The following LEPROTL1 variants were observed in gnomAD, a reference collection of about 807,000 sequenced individuals.
The protein encoded by LEPROTL1 is leptin receptor overlapping transcript-like 1.
A neutral mutation model predicts 15.4 loss-of-function variants in LEPROTL1; 6 were observed. The ratio of observed to expected loss-of-function variants is 0.39; its 90% CI spans 0.21 to 0.77. LEPROTL1 has a LOEUF of 0.77. Among genes scored for constraint, LEPROTL1 ranks in the 30% least tolerant of loss-of-function variants. LEPROTL1 has a pLI of 0.41. For missense variants in LEPROTL1, 128 were observed against 158.1 expected (o/e 0.81, Z 1.02); for synonymous variants, 56 against 52.6 (o/e 1.06, Z -0.28).
At chr8:30,137,489 C>T in exon 5 of LEPROTL1, 2 of 1,551,510 alleles carry the variant, frequency 1.3e-6, no homozygotes, top group Non-Finnish European at 1.7e-6. Flanking sequence ...TGCCCTCCCT[C>T]TCAGGCACAA....
At position 30,101,961 on chromosome 8, in the gene LEPROTL1, T is replaced by C; in HGVS notation, c.80T>C (p.Leu27Pro). The C allele has an allele frequency of 6.2e-7, 1 of 1,601,456 alleles. No homozygotes were observed. Among genetic ancestry groups the C allele is most frequent in the South Asian group, 1.1e-5 (1 of 90,378 alleles). The change falls in exon 2 of 4, where the codon CTT becomes CCT. Residue 27 changes from leucine to proline, a missense_variant. Transcript: ENST00000321250. ...ATGTTTTTGATGCTTGGATGTGCCCTTCCAATATACAAGTATGTAAAATGT... is the reference window on the plus strand; with the variant it reads ...ATGTTTTTGATGCTTGGATGTGCCCCTCCAATATACAAGTATGTAAAATGT... ...GLMFLMLGCA[L>P]PIYNKYWPLF...
chr8:30,137,489 C>G (rs1463767950), exon 5 of LEPROTL1: 2 of 1,551,392 alleles, frequency 1.3e-6, no homozygotes, highest in African/African-American at 1.4e-5. Context: ...TGCCCTCCCT[C>G]TCAGGCACAA....
At chr8:30,129,139 G>C (rs571147571) in intron 3 of LEPROTL1, among the ~76,000 whole-genome samples, 1 of 152,168 alleles carries the variant, frequency 6.6e-6, no homozygotes, top group East Asian at 1.9e-4. Context: ...GGGATCAAGA[G>C]CTCCTCCTGC....
At chr8:30,097,669 C>T in intron 1 of LEPROTL1, among the ~76,000 whole-genome samples, 1 of 8,420 alleles carries the variant, frequency 1.2e-4, no homozygotes, top group Non-Finnish European at 8.7e-4. Context: ...GAGACTCTGT[C>T]TCAAAAAAAA....
At chr8:30,135,913 G>A (rs1336218138) in intron 4 of LEPROTL1, among the ~76,000 whole-genome samples, 27 of 128,870 alleles carry the variant, frequency 2.1e-4, no homozygotes, top group Admixed American at 3.3e-4. Context: ...GACCTTGTCT[G>A]AAAAAAAAAA....
At chr8:30,114,810 CAGT>C (rs1802710877) in intron 3 of LEPROTL1, among the ~76,000 whole-genome samples, 2 of 152,272 alleles carry the variant, frequency 1.3e-5, no homozygotes, top group South Asian at 2.1e-4. Context: ...CCTGGGCTAT[CAGT>C]AGCATTGTCC....
Position 30,108,168 on chromosome 8 carries a change from T to G in LEPROTL1, c.*2306T>G, listed in dbSNP as rs1802601041. On this transcript the variant is annotated 3_prime_UTR_variant, in exon 4 of 4. Coordinates refer to ENST00000321250, the MANE Select transcript of LEPROTL1 (RefSeq NM_015344.3). Reference sequence around the variant, plus strand: ...GTGATGTAAAGCAAGATGACATTGGTGTAATGTTAGAGTTGCAGAAGTTTC... The same window carrying G: ...GTGATGTAAAGCAAGATGACATTGGGGTAATGTTAGAGTTGCAGAAGTTTC... The G allele has an allele frequency of 3.7e-6, 1 of 272,778 alleles. No homozygotes were observed. Among genetic ancestry groups the G allele is most frequent in the Non-Finnish European group, 5.6e-6 (1 of 178,448 alleles). 16.9% of individuals were successfully genotyped at this position (272,778 alleles called of 1,614,324 possible).
chr8:30,137,157 C>G (rs1185039341), intron 4 of LEPROTL1: 2 of 818,628 alleles, frequency 2.4e-6, no homozygotes, highest in Admixed American at 4.6e-5. Context: ...CAGAGAGAGC[C>G]AGGAACATGA....
chr8:30,097,696 T>TACACACAC lies in LEPROTL1; in HGVS notation c.16+2169_16+2170insCACACACA, dbSNP rs1470929284. ...CAAAAAAAAAAAAAATATATATATA[T>TACACACAC]ATACACACACACACACACACACACA... is the stretch of plus-strand genomic sequence containing the variant. On this transcript the variant is annotated intron_variant, in intron 1 of 3. Transcript: ENST00000321250. Among the ~76,000 whole-genome samples, 109 of 108,938 alleles carry TACACACAC rather than the reference T, an allele frequency of 1.0e-3. 1 individual carries two copies. Among genetic ancestry groups the TACACACAC allele is most frequent in the African/African-American group, 3.4e-3 (99 of 29,380 alleles). 71.5% of individuals were successfully genotyped at this position (108,938 alleles called of 152,430 possible).
At chr8:30,134,429 C>CAAAACAAAAAAA (rs897296585) in intron 4 of LEPROTL1, among the ~76,000 whole-genome samples, 2 of 144,858 alleles carry the variant, frequency 1.4e-5, no homozygotes, top group Non-Finnish European at 3.0e-5. Context: ...CTCAAAAAAA[C>CAAAACAAAAAAA]AAAACAAAAA....
At chr8:30,121,931 C>G (rs1374421329) in intron 3 of LEPROTL1, among the ~76,000 whole-genome samples, 1 of 151,878 alleles carries the variant, frequency 6.6e-6, no homozygotes, top group African/African-American at 2.4e-5. Flanking sequence ...TTTGGGAGGC[C>G]AAGGTGGGCA....
chr8:30,107,508 T>G lies in LEPROTL1; in HGVS notation c.*1646T>G. ...AAATGGGAATAAATTTGGGATTTGT[T>G]CAGCTTTTTTACTAAAGATGCCTAA... On this transcript the variant is annotated 3_prime_UTR_variant, in exon 4 of 4. Transcript: ENST00000321250. The G allele has an allele frequency of 2.0e-6, 2 of 985,870 alleles. No individual in the cohort carries two copies. Among genetic ancestry groups the G allele is most frequent in the Non-Finnish European group, 2.4e-6 (2 of 829,922 alleles). The allele number at this position is 985,870 out of a possible 1,614,324, so 61.1% of individuals were successfully genotyped here. A position where few individuals can be genotyped will look rare whatever the true frequency, so the allele number is the denominator to read the frequency against.
At chr8:30,110,690 C>A (rs928458006), downstream of LEPROTL1, among the ~76,000 whole-genome samples, 9 of 151,830 alleles carry the variant, frequency 5.9e-5, no homozygotes, top group African/African-American at 1.9e-4. Flanking sequence ...GCCAAGATCA[C>A]GCCACTGCAC....
chr8:30,132,525 A>C (rs1449710111), intron 4 of LEPROTL1: 8 of 1,551,768 alleles, frequency 5.2e-6, no homozygotes, highest in Non-Finnish European at 5.2e-6. Flanking sequence ...TCCACACGAC[A>C]TAGATGCACT....
At chr8:30,137,920 G>T (rs1485500231), downstream of LEPROTL1, 3 of 227,844 alleles carry the variant, frequency 1.3e-5, no homozygotes, top group Non-Finnish European at 2.7e-5. Flanking sequence ...CTATTCTAAG[G>T]CCTAACATCA....
chr8:30,117,607 T>C, intron 3 of LEPROTL1: 1 of 1,445,044 alleles, frequency 6.9e-7, no homozygotes. Flanking sequence ...TTCCCAGCTC[T>C]GTGATCATCA....
chr8:30,124,243 T>C (rs1332177020), intron 3 of LEPROTL1, among the ~76,000 whole-genome samples: 1 of 152,168 alleles, frequency 6.6e-6, no homozygotes, highest in Non-Finnish European at 1.5e-5. Context: ...GTTTTTGATC[T>C]TTTCATTAGG....
intron 3 of LEPROTL1, among the ~76,000 whole-genome samples, chr8:30,129,797 G>T (rs1802968157): frequency 6.6e-6 from 1 of 151,144 alleles, no homozygotes. Flanking sequence ...AAGAAAAGAG[G>T]TTTAATTGGC....
chr8:30,099,819 CA>C (rs1802434252), intron 1 of LEPROTL1, among the ~76,000 whole-genome samples: 4 of 151,890 alleles, frequency 2.6e-5, no homozygotes, highest in Admixed American at 1.3e-4. Flanking sequence ...ACAAAGTGTG[CA>C]CAGGCCACGT....
Sources: gnomAD v4.1 joint callset for allele counts (sites outside exome capture counted in the v4.1 genomes callset) on GRCh38, gnomAD v4.1.1 for gene constraint, MANE v1.5 for transcripts, NCBI Gene and HGNC (gene_info 2026-07-23, HGNC 2026-07-21) for gene names.